The following RTTN variants were observed in gnomAD, a reference collection of about 807,000 sequenced individuals.
RTTN encodes the protein rotatin.
RTTN carries 182 observed loss-of-function variants against 269.2 expected under a neutral mutation model. The ratio of observed to expected loss-of-function variants is 0.68; its 90% CI spans 0.60 to 0.76. RTTN has a LOEUF of 0.76. RTTN is among the 30% of genes least tolerant of loss of function. The probability of loss-of-function intolerance (pLI) is 0.00; values close to 1 mark genes in which losing one functional copy is unlikely to be tolerated. For synonymous variants in RTTN, 1,006 were observed against 963.5 expected, an observed-to-expected ratio of 1.04 and a Z score of -0.82; for missense variants, 2,545 against 2,608.6, an observed-to-expected ratio of 0.98 and a Z score of 0.53.
intron 46 of RTTN, 145 bp downstream of exon 46, chr18:70,017,262 A>AT (rs1321853909): frequency 2.1e-5 from 16 of 773,258 alleles, no homozygotes; most frequent in Non-Finnish European, 3.2e-5. Context: ...GCCATGCCTG[A>AT]TTCATTCCCA....
At chr18:70,090,824 AT>A (rs113650670) in intron 30 of RTTN, among the ~76,000 whole-genome samples, 7 of 152,316 alleles carry the variant, frequency 4.6e-5, no homozygotes, top group African/African-American at 1.7e-4. Context: ...GGGTGGGGTC[AT>A]CCCACAGAGC....
chr18:70,071,106 G>C (rs1315413909), intron 34 of RTTN, among the ~76,000 whole-genome samples: 1 of 152,136 alleles, frequency 6.6e-6, no homozygotes, highest in Non-Finnish European at 1.5e-5. Flanking sequence ...GGACTCAAAA[G>C]AATGGTCTAC....
rs1555776912 is a variant in RTTN at position 70,184,716 on chromosome 18, T to TTGTGTGTG, written c.1305+3384_1305+3391dup. Reference sequence around the variant, plus strand: ...AAACCACAGCAGGTTTTTTTTTTTTTTGTGTGTGTGTGTGTGTGTGTGTGT... The same window carrying TTGTGTGTG: ...AAACCACAGCAGGTTTTTTTTTTTTTTGTGTGTGTGTGTGTGTGTGTGTGTGTGTGTGT... On this transcript the variant is annotated intron_variant, in intron 10 of 48. Transcript: ENST00000640769. 5.2e-3 allele frequency among the ~76,000 whole-genome samples: 170 copies of TTGTGTGTG among 32,982 alleles called. 6 individuals carry two copies. The highest frequency in any genetic ancestry group is 6.7e-3 in the South Asian group (4 of 596). 21.6% of individuals were successfully genotyped at this position (32,982 alleles called of 152,430 possible). A position where few individuals can be genotyped will look rare whatever the true frequency, so the allele number is the denominator to read the frequency against.
intron 14 of RTTN, among the ~76,000 whole-genome samples, chr18:70,160,562 A>G (rs1405044352): frequency 6.6e-6 from 1 of 151,862 alleles, no homozygotes; most frequent in African/African-American, 2.4e-5. Flanking sequence ...ATGCTATTGG[A>G]AGGCCTAGCC....
intron 25 of RTTN, among the ~76,000 whole-genome samples, chr18:70,124,941 T>C (rs2059827268): frequency 6.6e-6 from 1 of 151,996 alleles, no homozygotes. Flanking sequence ...CAACAGAAAC[T>C]AGTTGAAAGA....
chr18:70,160,643 A>G (rs945731753), intron 14 of RTTN, among the ~76,000 whole-genome samples: 13 of 142,380 alleles, frequency 9.1e-5, no homozygotes, highest in African/African-American at 3.4e-4. Context: ...CTCTTCACAG[A>G]TGATTCTATA....
chr18:70,023,818 T>C (rs1398475016), intron 44 of RTTN, among the ~76,000 whole-genome samples: 1 of 152,218 alleles, frequency 6.6e-6, no homozygotes, highest in Non-Finnish European at 1.5e-5. Flanking sequence ...AGTCTCACTC[T>C]GTTGCCCAGG....
chr18:70,185,946 G>GT (rs926731067), intron 10 of RTTN, among the ~76,000 whole-genome samples: 6 of 151,570 alleles, frequency 4.0e-5, no homozygotes, highest in African/African-American at 9.7e-5. Flanking sequence ...AAGAATAAGT[G>GT]TTTTTTTAAA....
At chr18:70,164,708 A>G (rs1333400671) in intron 14 of RTTN, among the ~76,000 whole-genome samples, 1 of 152,194 alleles carries the variant, frequency 6.6e-6, no homozygotes, top group African/African-American at 2.4e-5. Context: ...CACAGGTCTA[A>G]TAAGAGTTCC....
At position 70,202,240 on chromosome 18, in the gene RTTN, G is replaced by A. The variant is rs3851131; in HGVS notation, c.398-257C>T. 0.021 allele frequency among the ~76,000 whole-genome samples: 3,123 copies of A among 152,194 alleles called. 46 individuals are homozygous for A. The highest frequency in any genetic ancestry group is 0.037 in the Middle Eastern group (11 of 294). On this transcript the variant is annotated intron_variant, in intron 3 of 48. Transcript: ENST00000640769. ...CACAGTTATTTGTTAGAATGTACACGAAGAATCTGCTACAAAGTATTCAAG... is the reference window on the plus strand; with the variant it reads ...CACAGTTATTTGTTAGAATGTACACAAAGAATCTGCTACAAAGTATTCAAG...
chr18:70,103,043 G>T (rs1354742940), intron 28 of RTTN, among the ~76,000 whole-genome samples: 1 of 151,518 alleles, frequency 6.6e-6, no homozygotes, highest in Non-Finnish European at 1.5e-5. Context: ...CCTCTGCCCA[G>T]CTGTCCCGTC....
At chr18:70,079,980 T>C (rs1358965060) in intron 32 of RTTN, among the ~76,000 whole-genome samples, 1 of 151,988 alleles carries the variant, frequency 6.6e-6, no homozygotes, top group Non-Finnish European at 1.5e-5. Context: ...AAAAATGCTA[T>C]AATCCAAAGA....
chr18:70,135,375 T>G, intron 21 of RTTN, 95 bp from the exon 22 acceptor site: 1 of 734,268 alleles, frequency 1.4e-6, no homozygotes, highest in South Asian at 1.8e-5. Context: ...AGAAAAGAAA[T>G]GCAACATAAA....
intron 9 of RTTN, among the ~76,000 whole-genome samples, chr18:70,189,316 A>G (rs1238337353): frequency 6.6e-6 from 1 of 152,202 alleles, no homozygotes; most frequent in Non-Finnish European, 1.5e-5. Flanking sequence ...AACATTTTAA[A>G]TGTTTTCCAA....
At chr18:70,020,987 T>G in intron 44 of RTTN, 170 bp from the exon 45 acceptor site, 1 of 540,226 alleles carries the variant, frequency 1.9e-6, no homozygotes, top group Non-Finnish European at 3.3e-6. Context: ...CTAATAGATA[T>G]ACTGTCCTCA....
At chr18:70,114,888 T>G (rs765457434) in intron 26 of RTTN, among the ~76,000 whole-genome samples, 1 of 152,074 alleles carries the variant, frequency 6.6e-6, no homozygotes, top group Non-Finnish European at 1.5e-5. Flanking sequence ...GATATATAAC[T>G]CTCCTTTTTG....
intron 19 of RTTN, among the ~76,000 whole-genome samples, chr18:70,140,959 G>GT (rs1444170035): frequency 6.6e-6 from 1 of 151,884 alleles, no homozygotes; most frequent in African/African-American, 2.4e-5. Flanking sequence ...AGCTATCATT[G>GT]TAACAATCTT....
intron 32 of RTTN, among the ~76,000 whole-genome samples, chr18:70,085,272 T>C (rs1176995373): frequency 1.3e-5 from 2 of 152,212 alleles, no homozygotes; most frequent in African/African-American, 4.8e-5. Context: ...GCAGCCATTA[T>C]CAGAAGGCAA....
At chr18:70,041,882 A>C (rs930292) in intron 40 of RTTN, among the ~76,000 whole-genome samples, 17 of 151,886 alleles carry the variant, frequency 1.1e-4, no homozygotes, top group African/African-American at 3.6e-4. Context: ...TCAGAAGACC[A>C]TTCTCCAGGG....
Sources: allele counts gnomAD v4.1 joint callset (sites outside exome capture counted in the v4.1 genomes callset), GRCh38; gene constraint gnomAD v4.1.1; transcripts MANE v1.5; gene names NCBI Gene and HGNC (gene_info 2026-07-23, HGNC 2026-07-21).